The following RUNX1T1 variants were observed in gnomAD, a reference collection of about 807,000 sequenced individuals.
RUNX1T1 encodes protein CBFA2T1.
RUNX1T1 carries 4 observed loss-of-function variants against 62.8 expected under a neutral mutation model. The observed-to-expected ratio is 0.06, with a 90% CI of 0.03 to 0.15. RUNX1T1 has a LOEUF of 0.15. Ranked by LOEUF, RUNX1T1 falls within the 10% of genes least tolerant of loss-of-function variation. The probability of loss-of-function intolerance (pLI) is 1.00; values close to 1 mark genes in which losing one functional copy is unlikely to be tolerated. For synonymous variants in RUNX1T1, 291 were observed against 286.0 expected, an observed-to-expected ratio of 1.02 and a Z score of -0.18; for missense variants, 508 against 754.3, an observed-to-expected ratio of 0.67 and a Z score of 3.82.
chr8:91,958,727 T>TA, downstream of RUNX1T1: 1 of 48,808 alleles, frequency 2.0e-5, no homozygotes. Flanking sequence ...AAGAATTTGC[T>TA]CAAAAAAAAA....
chr8:92,026,934 G>A (rs1825297219), intron 1 of RUNX1T1, among the ~76,000 whole-genome samples: 1 of 149,778 alleles, frequency 6.7e-6, no homozygotes, highest in South Asian at 2.1e-4. Flanking sequence ...TGGCTGACAC[G>A]GTGAAACCCT....
At chr8:92,052,632 C>T (rs1563852943) in intron 1 of RUNX1T1, among the ~76,000 whole-genome samples, 1 of 152,178 alleles carries the variant, frequency 6.6e-6, no homozygotes, top group African/African-American at 2.4e-5. Context: ...ATATAATTTA[C>T]AAAAGTGGTT....
intron 1 of RUNX1T1, among the ~76,000 whole-genome samples, chr8:92,086,330 G>A (rs1836111608): frequency 6.6e-6 from 1 of 152,168 alleles, no homozygotes; most frequent in Non-Finnish European, 1.5e-5. Context: ...AGGCTGCACT[G>A]GTCAAATGAG....
intron 1 of RUNX1T1, chr8:92,062,424 A>G: frequency 1.8e-6 from 2 of 1,084,340 alleles, no homozygotes; most frequent in South Asian, 1.3e-5. Flanking sequence ...TGTCACCCCC[A>G]GCCTCTTCCT....
At chr8:92,036,073 C>G (rs1827362001) in intron 1 of RUNX1T1, among the ~76,000 whole-genome samples, 1 of 152,072 alleles carries the variant, frequency 6.6e-6, no homozygotes, top group African/African-American at 2.4e-5. Flanking sequence ...ATTAAGATGA[C>G]AGTCTAAATT....
At chr8:92,102,534 A>C (rs1373856073), upstream of RUNX1T1, among the ~76,000 whole-genome samples, 1 of 152,046 alleles carries the variant, frequency 6.6e-6, no homozygotes, top group Non-Finnish European at 1.5e-5. The surrounding 1 kb of genome is among the most constrained non-coding windows in gnomAD (Gnocchi z 4.5). Flanking sequence ...GGAGAAACCC[A>C]CTCGTCATCT....
chr8:92,060,553 A>ATGTGTGTGTGTGTGTG lies in RUNX1T1; in HGVS notation c.7+1977_7+1992dup, dbSNP rs1271953758. Among the ~76,000 whole-genome samples the ATGTGTGTGTGTGTGTG allele has an allele frequency of 2.6e-3, 163 of 63,708 alleles. 1 individual carries two copies. Among genetic ancestry groups the ATGTGTGTGTGTGTGTG allele is most frequent in the Non-Finnish European group, 3.3e-3 (100 of 30,602 alleles). The allele number at this position is 63,708 out of a possible 152,430, so 41.8% of individuals were successfully genotyped here. On this transcript the variant is annotated intron_variant, in intron 1 of 10. Coordinates refer to ENST00000396218, the Ensembl canonical transcript of RUNX1T1. Reference sequence around the variant, plus strand: ...TATATATATATATATATATATATATATGTGTGTGTGTGTGTGTGTGTGTGT... The same window carrying ATGTGTGTGTGTGTGTG: ...TATATATATATATATATATATATATATGTGTGTGTGTGTGTGTGTGTGTGTGTGTGTGTGTGTGTGT...
At chr8:92,064,818 C>T (rs1349614351), upstream of RUNX1T1, among the ~76,000 whole-genome samples, 1 of 152,104 alleles carries the variant, frequency 6.6e-6, no homozygotes, top group Non-Finnish European at 1.5e-5. Flanking sequence ...GTCCCTAAAC[C>T]GCAGCTCAGA....
intron 1 of RUNX1T1, among the ~76,000 whole-genome samples, chr8:92,056,174 C>T (rs985197434): frequency 2.6e-5 from 4 of 152,126 alleles, no homozygotes; most frequent in African/African-American, 7.2e-5. Context: ...AAAGTTCAAA[C>T]GTAAAATAAC....
chr8:92,062,650 G>C, exon 1 of RUNX1T1: 1 of 1,612,988 alleles, frequency 6.2e-7, no homozygotes, highest in Non-Finnish European at 8.5e-7. Flanking sequence ...GCAGCAGAGA[G>C]GAGGGCCATC....
chr8:91,967,742 G>A (rs1811943353), intron 10 of RUNX1T1, among the ~76,000 whole-genome samples: 1 of 152,106 alleles, frequency 6.6e-6, no homozygotes, highest in South Asian at 2.1e-4. Context: ...TCCCTATGAA[G>A]GAAAGAGAAT....
upstream of RUNX1T1, chr8:92,099,724 G>A: frequency 1.4e-6 from 1 of 740,064 alleles, no homozygotes; most frequent in Non-Finnish European, 1.7e-6. Flanking sequence ...TTCAGTGCCT[G>A]TCAGCTGATG....
At chr8:92,058,886 G>C (rs1831456885) in intron 1 of RUNX1T1, among the ~76,000 whole-genome samples, 1 of 152,104 alleles carries the variant, frequency 6.6e-6, no homozygotes, top group African/African-American at 2.4e-5. Flanking sequence ...TCTTATGAAA[G>C]CTTAAGATGT....
chr8:92,043,932 C>G (rs1828917640), intron 1 of RUNX1T1, among the ~76,000 whole-genome samples: 1 of 138,682 alleles, frequency 7.2e-6, no homozygotes, highest in Admixed American at 7.8e-5. Context: ...GAGCTGAGAT[C>G]AAGCCATTGC....
At chr8:91,987,434 TC>T (rs1816805659) in intron 6 of RUNX1T1, among the ~76,000 whole-genome samples, 1 of 152,176 alleles carries the variant, frequency 6.6e-6, no homozygotes, top group Non-Finnish European at 1.5e-5. Flanking sequence ...TTTCTACATG[TC>T]AGCCTTGTGT....
chr8:92,099,218 G>C lies in RUNX1T1; in HGVS notation c.-86+362C>G, dbSNP rs558766177. Among the ~76,000 whole-genome samples, 20 of 152,180 alleles carry C rather than the reference G, an allele frequency of 1.3e-4. No homozygotes were observed. The South Asian group carries it at 1.5e-3, about 11-fold the overall frequency. ...AAAAAGAATAAATTTTTTTCTTATAGATTTTAAGTTGTTATTAACATGTAG... is the reference window on the plus strand; with the variant it reads ...AAAAAGAATAAATTTTTTTCTTATACATTTTAAGTTGTTATTAACATGTAG... On this transcript the variant is annotated intron_variant, in intron 1 of 11. Transcript: ENST00000265814.
At chr8:92,096,351 T>C (rs1361192293) in intron 1 of RUNX1T1, among the ~76,000 whole-genome samples, 1 of 152,160 alleles carries the variant, frequency 6.6e-6, no homozygotes, top group Non-Finnish European at 1.5e-5. Flanking sequence ...CTCATGGCTC[T>C]TCACCCACCC....
intron 1 of RUNX1T1, among the ~76,000 whole-genome samples, chr8:92,080,883 G>A (rs1483053698): frequency 2.6e-5 from 4 of 152,190 alleles, no homozygotes. Flanking sequence ...TAATCAGAAG[G>A]TAGGCAACCA....
chr8:92,103,337 C>A (rs1354628521), upstream of RUNX1T1: 2 of 188,104 alleles, frequency 1.1e-5, no homozygotes, highest in East Asian at 8.5e-5. Flanking sequence ...GCCGGGCGTC[C>A]GCCGGGGAGC....
Sources: gnomAD v4.1 joint callset for allele counts (sites outside exome capture counted in the v4.1 genomes callset) on GRCh38, gnomAD v4.1.1 for gene constraint, Gnocchi (gnomAD v3.1) non-coding constraint, MANE v1.5 for transcripts, NCBI Gene and HGNC (gene_info 2026-07-23, HGNC 2026-07-21) for gene names.